Variants in ZNF407 observed in about 807,000 individuals in gnomAD.
The protein encoded by ZNF407 is zinc finger protein 407.
ZNF407 carries 17 observed loss-of-function variants against 131.2 expected under a neutral mutation model. The observed-to-expected ratio is 0.13, with a 90% CI of 0.09 to 0.19. ZNF407 has a LOEUF of 0.19. Among genes scored for constraint, ZNF407 ranks in the 10% least tolerant of loss-of-function variants. ZNF407 has a pLI of 1.00. For synonymous variants in ZNF407, 1,156 were observed against 1,062.0 expected (o/e 1.09, Z -1.72); for missense variants, 2,681 against 2,830.6 (o/e 0.95, Z 1.20).
In ZNF407 at chr18:74,606,369, G is replaced by A. The variant is rs567375372; in HGVS notation, c.-54+8432G>A. 3.9e-5 allele frequency among the ~76,000 whole-genome samples: 6 copies of A among 152,272 alleles called. No individual in the cohort carries two copies. The South Asian group carries it at 1.2e-3, about 32-fold the overall frequency. On this transcript the variant is annotated intron_variant, in intron 1 of 8. Transcript: ENST00000299687. ...AATCTGGAAAGAACCAGTTTCTTAT[G>A]ACATAATGGAGATACCTACATTTAT...
At chr18:75,010,234 C>G (rs1268071634) in intron 8 of ZNF407, among the ~76,000 whole-genome samples, 6 of 152,128 alleles carry the variant, frequency 3.9e-5, no homozygotes, top group Admixed American at 2.6e-4. Context: ...CATGAGATTT[C>G]ATCTCATGAG....
At chr18:74,980,449 A>C (rs1972577151) in intron 8 of ZNF407, among the ~76,000 whole-genome samples, 1 of 151,874 alleles carries the variant, frequency 6.6e-6, no homozygotes, top group South Asian at 2.1e-4. Flanking sequence ...GGATACAGGC[A>C]CCCACTACCA....
intron 3 of ZNF407, among the ~76,000 whole-genome samples, chr18:74,674,541 C>G (rs1435265984): frequency 6.6e-6 from 1 of 152,112 alleles, no homozygotes; most frequent in African/African-American, 2.4e-5. Flanking sequence ...CCATAGTATC[C>G]TGGTATTATT....
At position 74,632,375 on chromosome 18, in the gene ZNF407, T is replaced by A; in HGVS notation, c.1356T>A (p.Gly452=). 1 of 1,613,990 alleles carries A rather than the reference T, an allele frequency of 6.2e-7. No individual in the cohort carries two copies. The highest frequency in any genetic ancestry group is 8.5e-7 in the Non-Finnish European group (1 of 1,179,902). ...TTAATCTTTTAGGAATTAAAAGAGG[T>A]ACAAGTGAAACTCAGAGGATGTATA... ...KRFNLLGIKR[G]TSETQRMYMK... is the part of the protein sequence containing the mutation. The change falls in exon 2 of 9, where the codon GGT becomes GGA. Residue 452 remains glycine (G), a synonymous_variant. Coordinates refer to ENST00000299687, the MANE Select transcript of ZNF407 (RefSeq NM_017757.3).
intron 3 of ZNF407, among the ~76,000 whole-genome samples, chr18:74,713,177 A>C (rs1214498031): frequency 6.6e-6 from 1 of 152,130 alleles, no homozygotes; most frequent in Non-Finnish European, 1.5e-5. Flanking sequence ...TCCCTGTCTC[A>C]TGCCTTTGCT....
intron 1 of ZNF407, among the ~76,000 whole-genome samples, chr18:74,621,796 CGAAG>C (rs1983522829): frequency 6.6e-6 from 1 of 152,164 alleles, no homozygotes; most frequent in Admixed American, 6.5e-5. Flanking sequence ...TTTAAACCAC[CGAAG>C]GCATTTTCCT....
intron 8 of ZNF407, among the ~76,000 whole-genome samples, chr18:74,936,321 CAA>C (rs1322190889): frequency 6.6e-6 from 1 of 152,154 alleles, no homozygotes; most frequent in Non-Finnish European, 1.5e-5. Flanking sequence ...CATTTTCACT[CAA>C]AGTGTAGGAT....
At chr18:74,616,146 G>GA (rs1412305310) in intron 1 of ZNF407, among the ~76,000 whole-genome samples, 1 of 152,148 alleles carries the variant, frequency 6.6e-6, no homozygotes, top group Non-Finnish European at 1.5e-5. Context: ...CCAGTAATGG[G>GA]AAAAAACCCC....
intron 4 of ZNF407, among the ~76,000 whole-genome samples, chr18:74,833,456 G>A (rs754884566): frequency 6.6e-6 from 1 of 152,198 alleles, no homozygotes; most frequent in East Asian, 1.9e-4. Context: ...CCTCAGTGAG[G>A]CTCCAGCCTT....
chr18:74,963,821 A>G (rs1165842874), intron 8 of ZNF407, among the ~76,000 whole-genome samples: 1 of 152,362 alleles, frequency 6.6e-6, no homozygotes, highest in African/African-American at 2.4e-5. Context: ...AATTTAATAT[A>G]TGAAAAAAGT....
intron 7 of ZNF407, among the ~76,000 whole-genome samples, chr18:74,892,557 C>T (rs905113757): frequency 6.6e-6 from 1 of 152,150 alleles, no homozygotes; most frequent in African/African-American, 2.4e-5. Flanking sequence ...GACTGCTCAA[C>T]AAGTGAATGC....
chr18:74,685,614 G>T (rs1018568877), intron 3 of ZNF407, among the ~76,000 whole-genome samples: 2 of 152,110 alleles, frequency 1.3e-5, no homozygotes, highest in East Asian at 3.9e-4. Flanking sequence ...CTGTTCTCCC[G>T]GGACACCCCA....
At chr18:74,831,222 A>G (rs1349137296) in intron 4 of ZNF407, among the ~76,000 whole-genome samples, 1 of 152,192 alleles carries the variant, frequency 6.6e-6, no homozygotes, top group Non-Finnish European at 1.5e-5. Flanking sequence ...TGTGAACAGC[A>G]TGGCAGTAAA....
chr18:74,673,183 C>T (rs1986219643), intron 3 of ZNF407, among the ~76,000 whole-genome samples: 1 of 152,198 alleles, frequency 6.6e-6, no homozygotes, highest in Non-Finnish European at 1.5e-5. Context: ...TATCAGTTTC[C>T]TGCTGCTGCT....
chr18:74,952,137 G>T (rs143513881), intron 8 of ZNF407, among the ~76,000 whole-genome samples: 295 of 152,224 alleles, frequency 1.9e-3, no homozygotes, highest in African/African-American at 6.9e-3. Context: ...AGCTTGGGAG[G>T]CAAGGAGAAG....
intron 4 of ZNF407, among the ~76,000 whole-genome samples, chr18:74,837,460 A>G (rs1041681017): frequency 9.2e-5 from 14 of 152,216 alleles, no homozygotes; most frequent in African/African-American, 2.4e-4. Flanking sequence ...TACTGGTAAT[A>G]TACTGATATC....
intron 8 of ZNF407, among the ~76,000 whole-genome samples, chr18:75,050,839 G>GAAAA (rs1973492358): frequency 1.3e-5 from 2 of 152,138 alleles, no homozygotes; most frequent in Non-Finnish European, 2.9e-5. Context: ...AGAGATCTAT[G>GAAAA]GAGATTTCTC....
At chr18:74,781,030 G>A (rs1469768102) in intron 3 of ZNF407, among the ~76,000 whole-genome samples, 1 of 152,010 alleles carries the variant, frequency 6.6e-6, no homozygotes, top group African/African-American at 2.4e-5. Context: ...CTCTTTTACG[G>A]TCCTTTAAAT....
chr18:74,701,012 C>G (rs1967480676), intron 3 of ZNF407, among the ~76,000 whole-genome samples: 1 of 152,036 alleles, frequency 6.6e-6, no homozygotes, highest in Admixed American at 6.6e-5. Flanking sequence ...TAAATGAGAT[C>G]TTAAGGGTGG....
Sources: allele counts gnomAD v4.1 joint callset (sites outside exome capture counted in the v4.1 genomes callset), GRCh38; gene constraint gnomAD v4.1.1; transcripts MANE v1.5; gene names NCBI Gene and HGNC (gene_info 2026-07-23, HGNC 2026-07-21).